Variants in MYO1F observed in about 807,000 individuals in gnomAD.
MYO1F encodes the protein myosin IF, also known as unconventional myosin-If.
In MYO1F, 60 loss-of-function variants were observed where a neutral mutation model predicts 146.6. That is an observed-to-expected ratio of 0.41 (90% CI 0.33 to 0.51). The LOEUF (loss-of-function observed/expected upper bound fraction) is 0.51. Ranked by LOEUF, MYO1F falls within the 20% of genes least tolerant of loss-of-function variation. The pLI is 0.25. For synonymous variants in MYO1F, 602 were observed against 602.1 expected, an observed-to-expected ratio of 1.00 and a Z score of 0.00; for missense variants, 1,274 against 1,534.3, an observed-to-expected ratio of 0.83 and a Z score of 2.83.
chr19:8,553,894 A>ACTCTCT (rs530875155), intron 4 of MYO1F, among the ~76,000 whole-genome samples: 2,359 of 102,538 alleles, frequency 0.023, 66 homozygotes, highest in South Asian at 0.12. Flanking sequence ...ACACACACAC[A>ACTCTCT]CTCTCTCTCT....
At position 8,526,794 on chromosome 19, in the gene MYO1F, G is replaced by T. The variant is rs561818983; in HGVS notation, c.2616C>A (p.Ser872Arg). 5 of 1,610,206 alleles carry T rather than the reference G, an allele frequency of 3.1e-6. No individual in the cohort carries two copies. The highest frequency in any genetic ancestry group is 2.5e-6 in the Non-Finnish European group (3 of 1,178,722). Residue 872 changes from serine to arginine, a missense_variant, in exon 23 of 28, where the codon AGC becomes AGA. This residue lies in a region of MYO1F where 374 missense variants were observed against 379.2 expected (regional missense o/e 0.99). Transcript: ENST00000644032. Reference protein sequence around the residue: ...ATRRPLPLTFSDTLQFRVKKE... With the variant: ...ATRRPLPLTFRDTLQFRVKKE... The stretch of plus-strand genomic sequence containing the variant: ...TGGGGTTGGCGGGGCCGTACGTGTC[G>T]CTGAAGGTGAGGGGCAGGGGCCTCC...
chr19:8,552,207 T>C lies in MYO1F; in HGVS notation c.505-43A>G, dbSNP rs1315895045. 4 of 1,612,492 alleles carry C rather than the reference T, an allele frequency of 2.5e-6. No homozygotes were observed. The African/African-American group carries it at 5.4e-5, about 22-fold the overall frequency. On this transcript the variant is annotated intron_variant, in intron 6 of 27. Coordinates refer to ENST00000644032, the MANE Select transcript of MYO1F (RefSeq NM_012335.4). ...ATGTCAGCACCCCAGTGTCCTGGGG[T>C]GCAGGTGGGGGAAGGGTTGGGGATG...
rs941307507 is a variant in MYO1F at position 8,563,756 on chromosome 19, C to T, written c.4-7960G>A. 1.3e-5 allele frequency among the ~76,000 whole-genome samples: 2 copies of T among 151,946 alleles called. 1 individual carries two copies. The highest frequency in any genetic ancestry group is 1.3e-4 in the Admixed American group (2 of 15,198). On this transcript the variant is annotated intron_variant, in intron 1 of 27. Transcript: ENST00000644032. ...GGAACTCCTGACCTCAGGCGATCCC[C>T]CTGCCTCAGCCTCCCAAAGTGCTGG...
At position 8,577,314 on chromosome 19, in the gene MYO1F, G is replaced by A; in HGVS notation, c.-5C>T. The A allele has an allele frequency of 1.2e-6, 2 of 1,613,992 alleles. No individual in the cohort carries two copies. Among genetic ancestry groups the A allele is most frequent in the Non-Finnish European group, 8.5e-7 (1 of 1,179,956 alleles). On this transcript the variant is annotated 5_prime_UTR_variant, in exon 1 of 28. Transcript: ENST00000644032. The surrounding 1 kb of genome is among the most constrained non-coding windows in gnomAD (Gnocchi z 4.3). ...CACCCTTGAAGGACTTACCATGGTG[G>A]GGGGCTGGTGTCTGGGCTCCTGGAG...
chr19:8,536,217 C>T (rs1466882198), intron 19 of MYO1F, 35 bp downstream of exon 19: 4 of 1,600,284 alleles, frequency 2.5e-6, no homozygotes. Flanking sequence ...CTCTCTTCCC[C>T]TCTCCTTCTC....
At position 8,552,921 on chromosome 19, in the gene MYO1F, CAG is replaced by C. The variant is rs1555726574; in HGVS notation, c.504+216_504+217del. 2.8e-4 allele frequency among the ~76,000 whole-genome samples: 43 copies of C among 152,260 alleles called. No individual in the cohort carries two copies. The East Asian group carries it at 8.3e-3, about 29-fold the overall frequency. ...CGGGGGAGCATTTAAGAATGTTACA[CAG>C]GGGTGTCATGGCCTCCACAGTTCTG... is the stretch of plus-strand genomic sequence containing the variant. On this transcript the variant is annotated intron_variant, in intron 6 of 27. Coordinates refer to ENST00000644032, the MANE Select transcript of MYO1F (RefSeq NM_012335.4).
chr19:8,551,775 C>G lies in MYO1F; in HGVS notation c.736G>C (p.Gly246Arg), dbSNP rs199790449. 1 of 1,614,150 alleles carries G rather than the reference C, an allele frequency of 6.2e-7. No individual in the cohort carries two copies. The highest frequency in any genetic ancestry group is 1.7e-5 in the Admixed American group (1 of 60,006). ...CCAAAGTCGCTTCTGTCGTCCGTGC[C>G]GTCCACCTGGTAGGTGTCCGATTGG... ...LNQSDTYQVDGTDDRSDFGET... is the reference protein window; with the variant it reads ...LNQSDTYQVDRTDDRSDFGET... Residue 246 changes from glycine (G) to arginine (R), a missense_variant, in exon 8 of 28, where the codon GGC becomes CGC. Physicochemically the swap from Gly to Arg is moderately radical, Grantham distance 125. This residue lies in a region of MYO1F where 900 missense variants were observed against 1,155.1 expected (regional missense o/e 0.78). Coordinates refer to ENST00000644032, the MANE Select transcript of MYO1F (RefSeq NM_012335.4).
At chr19:8,574,703 T>C (rs12973441) in intron 1 of MYO1F, among the ~76,000 whole-genome samples, 33 of 47,420 alleles carry the variant, frequency 7.0e-4, no homozygotes, top group African/African-American at 1.7e-3. Flanking sequence ...CTTTCTCTCT[T>C]TCTTTCTTTT....
intron 11 of MYO1F, 29 bp from the exon 12 acceptor site, chr19:8,548,151 T>G (rs1450198676): frequency 6.2e-7 from 1 of 1,613,114 alleles, no homozygotes; most frequent in Non-Finnish European, 8.5e-7. Context: ...GGTCCTTCCC[T>G]CAATGTCCTG....
intron 15 of MYO1F, among the ~76,000 whole-genome samples, chr19:8,541,001 C>T (rs1214260349): frequency 6.6e-6 from 1 of 151,450 alleles, no homozygotes; most frequent in Non-Finnish European, 1.5e-5. Flanking sequence ...CCTTTTTTTT[C>T]CCCTCAGAGA....
chr19:8,522,895 G>A (rs954580690), intron 25 of MYO1F, 66 bp from the exon 26 acceptor site: 39 of 1,424,756 alleles, frequency 2.7e-5, no homozygotes, highest in Non-Finnish European at 3.6e-5. Flanking sequence ...GGAGGACTTG[G>A]CTTCAAGTTC....
chr19:8,540,391 A>G (rs934088465), intron 15 of MYO1F: 1 of 159,142 alleles, frequency 6.3e-6, no homozygotes, highest in African/African-American at 2.4e-5. Context: ...AAAAGGGAAC[A>G]ACACGGATAA....
intron 1 of MYO1F, chr19:8,576,467 A>G (rs1555733834): frequency 6.6e-6 from 1 of 152,480 alleles, no homozygotes; most frequent in South Asian, 2.0e-4. Flanking sequence ...CGAGAAATGA[A>G]AGCTGAAGTG....
intron 1 of MYO1F, 129 bp from the exon 2 acceptor site, chr19:8,555,925 C>A: frequency 9.8e-7 from 1 of 1,025,332 alleles, no homozygotes. Flanking sequence ...TCCCCATCTC[C>A]AGGAGAGGCT....
rs1481435242 is a variant in MYO1F at position 8,530,248 on chromosome 19, C to T, written c.2276G>A (p.Arg759Lys). The T allele has an allele frequency of 8.1e-6, 13 of 1,614,140 alleles. No individual in the cohort carries two copies. The highest frequency in any genetic ancestry group is 1.1e-5 in the Non-Finnish European group (13 of 1,180,016). The change falls in exon 21 of 28, where the codon AGG becomes AAG. Residue 759 changes from arginine to lysine, a missense_variant. Physicochemically the swap from Arg to Lys is conservative, Grantham distance 26. Coordinates refer to ENST00000644032, the MANE Select transcript of MYO1F (RefSeq NM_012335.4). This position sits in a 1 kb window ranked among gnomAD's most constrained non-coding sequence, Gnocchi z 5.8. ...RPELRQFLGK[R>K]ERVDFADSVT... Reference sequence around the variant, plus strand: ...CGAATCGGCGAAGTCCACCCGCTCCCTCTTGCCCAGGAACTGACGCAGCTC... The same window carrying T: ...CGAATCGGCGAAGTCCACCCGCTCCTTCTTGCCCAGGAACTGACGCAGCTC...
intron 19 of MYO1F, among the ~76,000 whole-genome samples, chr19:8,535,495 C>T (rs1056386491): frequency 6.6e-6 from 1 of 152,076 alleles, no homozygotes; most frequent in Non-Finnish European, 1.5e-5. Context: ...GTCTCGAACT[C>T]CTGGCTTCAA....
At chr19:8,545,982 C>A (rs929702985) in intron 12 of MYO1F, among the ~76,000 whole-genome samples, 1 of 152,000 alleles carries the variant, frequency 6.6e-6, no homozygotes, top group Non-Finnish European at 1.5e-5. Context: ...CTCTATGAAG[C>A]CTCCTCGAGT....
At position 8,521,106 on chromosome 19, in the gene MYO1F, T is replaced by G. The variant is rs1972048432; in HGVS notation, c.*422A>C. Reference sequence around the variant, plus strand: ...CTTGTTGGGCACTTAGTAAGTTAACTCGTGCTTTCACCTGGCAAAGGTTTA... The same window carrying G: ...CTTGTTGGGCACTTAGTAAGTTAACGCGTGCTTTCACCTGGCAAAGGTTTA... On this transcript the variant is annotated 3_prime_UTR_variant, in exon 28 of 28. Coordinates refer to ENST00000644032, the MANE Select transcript of MYO1F (RefSeq NM_012335.4). The G allele has an allele frequency of 3.2e-6, 1 of 309,088 alleles. No individual in the cohort carries two copies. Among genetic ancestry groups the G allele is most frequent in the African/African-American group, 2.2e-5 (1 of 46,324 alleles). The allele number at this position is 309,088 out of a possible 1,614,324, so 19.1% of individuals were successfully genotyped here.
chr19:8,528,987 G>A (rs1972376970), intron 21 of MYO1F, among the ~76,000 whole-genome samples: 1 of 152,128 alleles, frequency 6.6e-6, no homozygotes, highest in Admixed American at 6.6e-5. Context: ...AACATTTAAG[G>A]TGATGGTATA....
Sources: allele counts gnomAD v4.1 joint callset (sites outside exome capture counted in the v4.1 genomes callset), GRCh38; gene constraint gnomAD v4.1.1; regional missense constraint gnomAD v4.1.1; non-coding constraint Gnocchi (gnomAD v3.1); transcripts MANE v1.5; gene names NCBI Gene and HGNC (gene_info 2026-07-23, HGNC 2026-07-21).